The following RPN2 variants were observed in gnomAD, a reference collection of about 807,000 sequenced individuals.
RPN2 encodes ribophorin II.
In RPN2, 29 loss-of-function variants were observed where a neutral mutation model predicts 71.4. The observed-to-expected ratio is 0.41, with a 90% CI of 0.30 to 0.55. RPN2 has a LOEUF of 0.55. RPN2 is among the 20% of genes least tolerant of loss of function. The pLI, the probability that RPN2 is intolerant of heterozygous loss-of-function variation, is 0.35. For synonymous variants in RPN2, 308 were observed against 305.0 expected, an observed-to-expected ratio of 1.01 and a Z score of -0.10; for missense variants, 726 against 774.1, an observed-to-expected ratio of 0.94 and a Z score of 0.74.
chr20:37,227,504 G>A (rs6104141), intron 11 of RPN2, among the ~76,000 whole-genome samples: 5,056 of 152,248 alleles, frequency 0.033, 274 homozygotes, highest in African/African-American at 0.11. Flanking sequence ...ACTAATTGCT[G>A]TAGTTGGGAT....
chr20:37,200,869 T>C (rs932157184), intron 4 of RPN2, among the ~76,000 whole-genome samples: 1 of 152,072 alleles, frequency 6.6e-6, no homozygotes, highest in African/African-American at 2.4e-5. Context: ...TGATGCTACC[T>C]TCTACAAAAA....
At chr20:37,196,442 C>T (rs2067259260) in intron 2 of RPN2, among the ~76,000 whole-genome samples, 2 of 152,156 alleles carry the variant, frequency 1.3e-5, no homozygotes, top group Admixed American at 1.3e-4. Context: ...ACCGTGTTAG[C>T]CAGGATGGTC....
At chr20:37,180,022 C>A (rs2066816311) in intron 1 of RPN2, among the ~76,000 whole-genome samples, 1 of 152,228 alleles carries the variant, frequency 6.6e-6, no homozygotes, top group Non-Finnish European at 1.5e-5. Flanking sequence ...TAGTTTAGAA[C>A]AGTGCATGGC....
At chr20:37,190,317 A>G (rs1194606154) in intron 2 of RPN2, among the ~76,000 whole-genome samples, 2 of 152,226 alleles carry the variant, frequency 1.3e-5, no homozygotes, top group African/African-American at 4.8e-5. Context: ...GCCAGCTGCC[A>G]TGCAGTGTGA....
chr20:37,219,267 G>A (rs1568988507), intron 9 of RPN2, among the ~76,000 whole-genome samples: 2 of 152,078 alleles, frequency 1.3e-5, no homozygotes, highest in African/African-American at 2.4e-5. Context: ...TTCTCTGATA[G>A]GTAATAATGT....
chr20:37,236,382 T>C (rs1370556244), intron 15 of RPN2, among the ~76,000 whole-genome samples, 198 bp from the exon 16 acceptor site: 1 of 152,212 alleles, frequency 6.6e-6, no homozygotes, highest in Non-Finnish European at 1.5e-5. Context: ...CCACTGTGCC[T>C]GGCCACACAC....
chr20:37,209,777 C>T (rs1286876532), intron 7 of RPN2, among the ~76,000 whole-genome samples: 1 of 152,016 alleles, frequency 6.6e-6, no homozygotes, highest in African/African-American at 2.4e-5. Context: ...GCCATCATGC[C>T]CAGTCTGATA....
intron 14 of RPN2, among the ~76,000 whole-genome samples, 191 bp from the exon 15 acceptor site, chr20:37,233,829 A>G (rs2068312172): frequency 6.6e-6 from 1 of 152,194 alleles, no homozygotes; most frequent in Non-Finnish European, 1.5e-5. Flanking sequence ...ATGCCTTTCT[A>G]AAGAAAAAGG....
intron 8 of RPN2, among the ~76,000 whole-genome samples, chr20:37,212,391 A>C (rs6065798): frequency 0.74 from 112,425 of 151,990 alleles, 42,038 homozygotes; most frequent in Middle Eastern, 0.85. Context: ...GCTTAAGACC[A>C]GTCTGGGCAA....
chr20:37,183,894 T>C (rs1372391749), intron 1 of RPN2, among the ~76,000 whole-genome samples: 1 of 152,152 alleles, frequency 6.6e-6, no homozygotes, highest in South Asian at 2.1e-4. Flanking sequence ...GGATTCAGGA[T>C]TGGGTTTGTC....
intron 11 of RPN2, 43 bp from the exon 12 acceptor site, chr20:37,228,507 C>G: frequency 1.3e-6 from 2 of 1,583,636 alleles, no homozygotes; most frequent in Non-Finnish European, 1.7e-6. Context: ...CAGGGAGAAT[C>G]TTGAAATTAT....
intron 14 of RPN2, among the ~76,000 whole-genome samples, chr20:37,233,044 CA>C (rs2068292878): frequency 6.6e-6 from 1 of 151,568 alleles, no homozygotes; most frequent in Non-Finnish European, 1.5e-5. Context: ...AGCAAGACCC[CA>C]TCTCTACTAA....
chr20:37,217,013 C>T (rs2067825121), intron 9 of RPN2, among the ~76,000 whole-genome samples: 1 of 152,002 alleles, frequency 6.6e-6, no homozygotes, highest in African/African-American at 2.4e-5. Context: ...TCACTACAGC[C>T]TTGACCTTCT....
intron 6 of RPN2, among the ~76,000 whole-genome samples, chr20:37,205,472 C>T (rs1243773321): frequency 2.0e-5 from 3 of 151,958 alleles, no homozygotes; most frequent in African/African-American, 4.8e-5. Flanking sequence ...TGAGTAGGAC[C>T]GTCTTTGTAC....
chr20:37,195,688 G>A (rs553396982), intron 2 of RPN2, among the ~76,000 whole-genome samples: 2 of 152,294 alleles, frequency 1.3e-5, no homozygotes, highest in South Asian at 4.1e-4. Context: ...GGTAGTCATT[G>A]TTTTGGGGTC....
intron 9 of RPN2, among the ~76,000 whole-genome samples, chr20:37,215,428 C>T (rs1236540740): frequency 3.9e-5 from 6 of 152,200 alleles, no homozygotes; most frequent in Non-Finnish European, 5.9e-5. Context: ...GCTATTGTAG[C>T]GTATGCCTTG....
At chr20:37,237,778 C>T (rs1239819412) in intron 16 of RPN2, among the ~76,000 whole-genome samples, 1 of 152,176 alleles carries the variant, frequency 6.6e-6, no homozygotes, top group Non-Finnish European at 1.5e-5. Flanking sequence ...GAGAAAGAGC[C>T]AGGACTCAGT....
chr20:37,233,217 AAAT>A (rs1239294029), intron 14 of RPN2, among the ~76,000 whole-genome samples: 2 of 152,190 alleles, frequency 1.3e-5, no homozygotes, highest in African/African-American at 4.8e-5. Context: ...TCTAAAAAAA[AAAT>A]AAAAATAAGT....
intron 15 of RPN2, 128 bp downstream of exon 15, chr20:37,234,223 C>T (rs2068323240): frequency 2.2e-6 from 2 of 922,968 alleles, no homozygotes; most frequent in Admixed American, 2.0e-5. Context: ...TTTCCCTCTT[C>T]CTCCTGGCCT....
Sources: gnomAD v4.1 joint callset for allele counts (sites outside exome capture counted in the v4.1 genomes callset) on GRCh38, gnomAD v4.1.1 for gene constraint, MANE v1.5 for transcripts, NCBI Gene and HGNC (gene_info 2026-07-23, HGNC 2026-07-21) for gene names.